The following RXRG variants were observed in gnomAD, a reference collection of about 807,000 sequenced individuals.
RXRG encodes the protein retinoid X receptor gamma.
RXRG carries 19 observed loss-of-function variants against 49.2 expected under a neutral mutation model. The observed-to-expected ratio is 0.39, with a 90% confidence interval of 0.27 to 0.57. RXRG has a LOEUF of 0.57. Among genes scored for constraint, RXRG ranks in the 20% least tolerant of loss-of-function variants. RXRG has a pLI of 0.64. For missense variants in RXRG, 452 were observed against 592.5 expected, an observed-to-expected ratio of 0.76 and a Z score of 2.46; for synonymous variants, 224 against 216.6, an observed-to-expected ratio of 1.03 and a Z score of -0.30.
chr1:165,404,329 C>A (rs145393922), intron 9 of RXRG, among the ~76,000 whole-genome samples: 27 of 152,294 alleles, frequency 1.8e-4, no homozygotes, highest in Middle Eastern at 3.4e-3. Context: ...TAAGTTCTGC[C>A]CTAGTCCTGG....
intron 1 of RXRG, among the ~76,000 whole-genome samples, chr1:165,430,556 C>A (rs1658643667): frequency 6.6e-6 from 1 of 152,228 alleles, no homozygotes; most frequent in Non-Finnish European, 1.5e-5. Context: ...GAAGCTGTGA[C>A]CCTCTTGTCA....
intron 1 of RXRG, among the ~76,000 whole-genome samples, chr1:165,437,609 T>C (rs1041451059): frequency 1.3e-5 from 2 of 151,848 alleles, no homozygotes; most frequent in African/African-American, 4.8e-5. Context: ...TGGACAGAGG[T>C]CATGGATTCA....
chr1:165,406,027 T>G (rs1657736122), intron 9 of RXRG, among the ~76,000 whole-genome samples: 1 of 152,276 alleles, frequency 6.6e-6, no homozygotes, highest in Non-Finnish European at 1.5e-5. Context: ...AGACAGGCTT[T>G]TCCGTTTCAT....
At chr1:165,414,800 C>T (rs1658076589) in intron 4 of RXRG, among the ~76,000 whole-genome samples, 1 of 152,184 alleles carries the variant, frequency 6.6e-6, no homozygotes, top group Non-Finnish European at 1.5e-5. Flanking sequence ...ATTGATCCCA[C>T]TGCCACAGCA....
intron 9 of RXRG, among the ~76,000 whole-genome samples, chr1:165,403,147 T>C (rs1327384301): frequency 6.6e-6 from 1 of 152,248 alleles, no homozygotes; most frequent in Admixed American, 6.5e-5. Flanking sequence ...GGAATTCATC[T>C]CCCATCTGCA....
chr1:165,415,204 GA>G (rs199966444), intron 4 of RXRG, among the ~76,000 whole-genome samples: 2 of 151,048 alleles, frequency 1.3e-5, no homozygotes, highest in East Asian at 3.9e-4. Context: ...TCAGATACCT[GA>G]AAAAAAAATC....
At chr1:165,434,808 T>C (rs1424068322) in intron 1 of RXRG, among the ~76,000 whole-genome samples, 2 of 152,226 alleles carry the variant, frequency 1.3e-5, no homozygotes, top group Non-Finnish European at 2.9e-5. Flanking sequence ...TGGCTTGTTT[T>C]TCTTTGTCTG....
chr1:165,402,836 C>T (rs536235631), intron 9 of RXRG, among the ~76,000 whole-genome samples: 1 of 152,194 alleles, frequency 6.6e-6, no homozygotes, highest in Non-Finnish European at 1.5e-5. Context: ...TGCTCTCACA[C>T]TATATTCATG....
At chr1:165,421,529 C>CTTTTTTTTTTTTTTTTTTTTTTTT (rs34676879) in intron 2 of RXRG, among the ~76,000 whole-genome samples, 1 of 131,424 alleles carries the variant, frequency 7.6e-6, no homozygotes, top group African/African-American at 2.8e-5. Flanking sequence ...TCTGGCATTT[C>CTTTTTTTTTTTTTTTTTTTTTTTT]TTTTTTTTTT....
chr1:165,418,232 G>A (rs917532280), intron 3 of RXRG, among the ~76,000 whole-genome samples: 1 of 151,956 alleles, frequency 6.6e-6, no homozygotes, highest in Non-Finnish European at 1.5e-5. Context: ...CCCAGGCAGG[G>A]GTGGCTAATT....
At chr1:165,435,857 G>A (rs1180432929) in intron 1 of RXRG, among the ~76,000 whole-genome samples, 21 of 152,198 alleles carry the variant, frequency 1.4e-4, no homozygotes, top group Admixed American at 1.4e-3. Flanking sequence ...GGGTCAGACA[G>A]TAAGCATTTC....
intron 1 of RXRG, among the ~76,000 whole-genome samples, chr1:165,433,223 G>T (rs10918180): frequency 0.13 from 20,073 of 151,952 alleles, 1,511 homozygotes; most frequent in African/African-American, 0.21. Flanking sequence ...ACACGAACCC[G>T]CTCGTGCCTT....
intron 2 of RXRG, among the ~76,000 whole-genome samples, chr1:165,422,153 C>A (rs980658236): frequency 2.0e-5 from 3 of 152,178 alleles, no homozygotes; most frequent in African/African-American, 7.2e-5. Flanking sequence ...CCAGCAGGAC[C>A]AGCTCCACTG....
chr1:165,407,648 G>A (rs978785386), intron 8 of RXRG, among the ~76,000 whole-genome samples: 1 of 152,096 alleles, frequency 6.6e-6, no homozygotes, highest in Non-Finnish European at 1.5e-5. Context: ...GATGCACATG[G>A]CTTCTCCCAT....
Position 165,442,666 on chromosome 1 carries a change from A to G in RXRG, c.49+2179T>C, listed in dbSNP as rs146215739. 7.7e-3 allele frequency among the ~76,000 whole-genome samples: 1,168 copies of G among 152,320 alleles called. 19 individuals carry two copies. The highest frequency in any genetic ancestry group is 0.027 in the African/African-American group (1,132 of 41,560). ...AATGTCTGATTTTTAACTATTTTGC[A>G]TGTTAGTCTCTGAGTAAAATAGAGG... On this transcript the variant is annotated intron_variant, in intron 1 of 9. Coordinates refer to ENST00000359842, the MANE Select transcript of RXRG (RefSeq NM_006917.5).
chr1:165,427,274 T>C (rs895879007), intron 2 of RXRG, among the ~76,000 whole-genome samples: 3 of 152,204 alleles, frequency 2.0e-5, no homozygotes, highest in Non-Finnish European at 2.9e-5. Context: ...CTGTGGCAGA[T>C]GGGATTATTG....
At chr1:165,434,790 C>T (rs1359162562) in intron 1 of RXRG, among the ~76,000 whole-genome samples, 1 of 152,184 alleles carries the variant, frequency 6.6e-6, no homozygotes, top group Non-Finnish European at 1.5e-5. Flanking sequence ...ATAGGATTCT[C>T]AGACACCTGG....
chr1:165,423,687 T>C (rs1658394911), intron 2 of RXRG, among the ~76,000 whole-genome samples: 1 of 117,542 alleles, frequency 8.5e-6, no homozygotes, highest in Non-Finnish European at 1.6e-5. Context: ...CATTTCTAGG[T>C]GAGTGTGTGT....
At chr1:165,419,550 T>C (rs1355729282) in intron 3 of RXRG, among the ~76,000 whole-genome samples, 7 of 152,058 alleles carry the variant, frequency 4.6e-5, no homozygotes, top group African/African-American at 1.7e-4. Flanking sequence ...ACTGGGATTA[T>C]AGGTGTGAGC....
Sources: allele counts gnomAD v4.1 joint callset (sites outside exome capture counted in the v4.1 genomes callset), GRCh38; gene constraint gnomAD v4.1.1; transcripts MANE v1.5; gene names NCBI Gene and HGNC (gene_info 2026-07-23, HGNC 2026-07-21).